The following BPGM variants were observed in gnomAD, a reference collection of about 807,000 sequenced individuals.
The protein encoded by BPGM is bisphosphoglycerate mutase, also known as 2,3-bisphosphoglycerate mutase, erythrocyte.
A neutral mutation model predicts 21.6 loss-of-function variants in BPGM; 15 were observed. That is an observed-to-expected ratio of 0.70 (90% CI 0.47 to 1.07). The LOEUF is 1.07. Ranked by LOEUF, BPGM falls within the 50% of genes least tolerant of loss-of-function variation. The pLI, the probability that BPGM is intolerant of heterozygous loss-of-function variation, is 0.00. For synonymous variants in BPGM, 113 were observed against 116.2 expected (o/e 0.97, Z 0.18); for missense variants, 273 against 319.0 (o/e 0.86, Z 1.10).
chr7:134,656,482 A>C (rs1348065520), intron 1 of BPGM, among the ~76,000 whole-genome samples: 1 of 152,254 alleles, frequency 6.6e-6, no homozygotes, highest in Non-Finnish European at 1.5e-5. Context: ...TAAAGGAAAG[A>C]GGTTTAAATG....
Position 134,661,808 on chromosome 7 carries a change from G to T in BPGM, c.301G>T (p.Glu101Ter), listed in dbSNP as rs1208029107. ...TGGGGCCTTGATCGGTCTCAACAGG[G>T]AGCAGATGGCTTTGAATCATGGTGA... ...HYGALIGLNR[E>*]QMALNHGEEQ... Residue 101 changes from glutamate (E) to a stop codon, truncating the protein, a stop_gained, in exon 2 of 3, where the codon GAG becomes TAG. Transcript: ENST00000344924. LOFTEE classifies it high-confidence loss of function. This position sits in a 1 kb window ranked among gnomAD's most constrained non-coding sequence, Gnocchi z 4.6. 1 of 1,612,654 alleles carries T rather than the reference G, an allele frequency of 6.2e-7. No individual in the cohort carries two copies. Among genetic ancestry groups the T allele is most frequent in the Non-Finnish European group, 8.5e-7 (1 of 1,179,228 alleles).
At chr7:134,659,430 A>G (rs1025096) in intron 1 of BPGM, among the ~76,000 whole-genome samples, 151,619 of 151,654 alleles carry the variant, frequency 1, 75,792 homozygotes, top group Middle Eastern at 1. Flanking sequence ...CTGGTTTCTC[A>G]CAGGTGAGGG....
At chr7:134,658,321 C>T (rs2131424847) in intron 1 of BPGM, 1 of 152,296 alleles carries the variant, frequency 6.6e-6, no homozygotes, top group South Asian at 2.1e-4. Context: ...TCGATGTCAG[C>T]AATCCCATCT....
At chr7:134,665,185 C>T (rs553948360) in intron 2 of BPGM, among the ~76,000 whole-genome samples, 105 of 151,956 alleles carry the variant, frequency 6.9e-4, no homozygotes, top group African/African-American at 2.4e-3. Context: ...GGGTGGCAAA[C>T]ATACGGAAGT....
At chr7:134,667,941 C>A (rs1795844689) in intron 2 of BPGM, among the ~76,000 whole-genome samples, 1 of 152,130 alleles carries the variant, frequency 6.6e-6, no homozygotes, top group Admixed American at 6.5e-5. Context: ...AATCATGACC[C>A]CAGTTAAATA....
chr7:134,678,702 C>A, intron 2 of BPGM, 151 bp from the exon 3 acceptor site: 4 of 824,390 alleles, frequency 4.9e-6, no homozygotes, highest in Admixed American at 2.0e-5. Flanking sequence ...CTGGAAAGTT[C>A]CTGGCTTCCA....
At chr7:134,653,754 A>T (rs771815756) in intron 1 of BPGM, among the ~76,000 whole-genome samples, 18 of 152,130 alleles carry the variant, frequency 1.2e-4, no homozygotes, top group Non-Finnish European at 2.4e-4. Flanking sequence ...CTTTCTCCTA[A>T]CTACCCTCTC....
intron 2 of BPGM, among the ~76,000 whole-genome samples, chr7:134,664,709 A>C (rs1795787328): frequency 6.6e-6 from 1 of 152,244 alleles, no homozygotes; most frequent in Non-Finnish European, 1.5e-5. Flanking sequence ...CCAAGTGTTC[A>C]TCAACTTATA....
chr7:134,650,129 A>G (rs749678238), intron 1 of BPGM, among the ~76,000 whole-genome samples: 2 of 152,204 alleles, frequency 1.3e-5, no homozygotes, highest in Non-Finnish European at 2.9e-5. Context: ...CTGGGCTCAT[A>G]TCTAGGTTGT....
rs1044166771 is a variant in BPGM, at chr7:134,661,636, G to A, written c.129G>A (p.Lys43=). ...TGGAGGAAGCTCGGAACTGTGGGAAGCAACTCAAAGCGTTAAACTTTGAGT... is the reference window on the plus strand; with the variant it reads ...TGGAGGAAGCTCGGAACTGTGGGAAACAACTCAAAGCGTTAAACTTTGAGT... The part of the protein sequence containing the change: ...EGMEEARNCG[K]QLKALNFEFD... The change falls in exon 2 of 3, where the codon AAG becomes AAA. Residue 43 remains lysine, a synonymous_variant. Coordinates refer to ENST00000344924, the MANE Select transcript of BPGM (RefSeq NM_001724.5). This position sits in a 1 kb window ranked among gnomAD's most constrained non-coding sequence, Gnocchi z 4.6. 1 of 1,614,188 alleles carries A rather than the reference G, an allele frequency of 6.2e-7. No homozygotes were observed. Among genetic ancestry groups the A allele is most frequent in the African/African-American group, 1.3e-5 (1 of 75,048 alleles).
At chr7:134,649,483 T>C (rs1795523146) in intron 1 of BPGM, among the ~76,000 whole-genome samples, 1 of 152,176 alleles carries the variant, frequency 6.6e-6, no homozygotes, top group Non-Finnish European at 1.5e-5. Context: ...GCCTTCATCT[T>C]TGTGTGTCTG....
At chr7:134,659,372 CGTGTGTGTGTGTGTGTGTGTGTGTGT>C (rs66893203) in intron 1 of BPGM, among the ~76,000 whole-genome samples, 2 of 145,282 alleles carry the variant, frequency 1.4e-5, no homozygotes, top group East Asian at 2.1e-4. Flanking sequence ...CACACCCCTC[CGTGTGTGTGTGTGTGTGTGTGTGTGT>C]GTGTGTGTGT....
intron 2 of BPGM, among the ~76,000 whole-genome samples, chr7:134,668,518 C>G (rs1001370304): frequency 6.6e-6 from 1 of 152,138 alleles, no homozygotes; most frequent in African/African-American, 2.4e-5. Flanking sequence ...CATAGCTATA[C>G]GGGATGACCT....
intron 2 of BPGM, among the ~76,000 whole-genome samples, 168 bp from the exon 3 acceptor site, chr7:134,678,685 G>A (rs1396579274): frequency 6.6e-6 from 1 of 152,076 alleles, no homozygotes; most frequent in Non-Finnish European, 1.5e-5. Context: ...CTTTTTTCTT[G>A]TAATTTCTGG....
intron 2 of BPGM, among the ~76,000 whole-genome samples, chr7:134,669,108 C>T (rs1225217804): frequency 6.6e-6 from 1 of 152,188 alleles, no homozygotes; most frequent in Non-Finnish European, 1.5e-5. Flanking sequence ...TTAATTGGGA[C>T]CTTACCTTTT....
chr7:134,675,766 C>T (rs1167741326), intron 2 of BPGM, among the ~76,000 whole-genome samples: 1 of 152,046 alleles, frequency 6.6e-6, no homozygotes, highest in Non-Finnish European at 1.5e-5. Flanking sequence ...ACAAAAAAGT[C>T]CATTGAGATT....
chr7:134,654,916 G>C (rs1223989912), intron 1 of BPGM, among the ~76,000 whole-genome samples: 1 of 152,286 alleles, frequency 6.6e-6, no homozygotes, highest in Non-Finnish European at 1.5e-5. Flanking sequence ...ACAAGAGGAA[G>C]GGGAGGGAGG....
intron 2 of BPGM, among the ~76,000 whole-genome samples, chr7:134,664,823 G>T (rs1204329505): frequency 6.6e-6 from 1 of 152,212 alleles, no homozygotes; most frequent in Non-Finnish European, 1.5e-5. Context: ...TCTGTTATGT[G>T]AAAGAAGCCA....
intron 1 of BPGM, among the ~76,000 whole-genome samples, chr7:134,653,819 G>C (rs1285250543): frequency 6.6e-6 from 1 of 152,102 alleles, no homozygotes; most frequent in Admixed American, 6.5e-5. Context: ...CAATTTTATG[G>C]TGGCATTTAT....
Sources: gnomAD v4.1 joint callset for allele counts (sites outside exome capture counted in the v4.1 genomes callset) on GRCh38, gnomAD v4.1.1 for gene constraint, Gnocchi (gnomAD v3.1) non-coding constraint, MANE v1.5 for transcripts, NCBI Gene and HGNC (gene_info 2026-07-23, HGNC 2026-07-21) for gene names.